Variants in PTPRD observed in about 807,000 individuals in gnomAD.
PTPRD encodes the protein protein tyrosine phosphatase receptor type D.
In PTPRD, 34 loss-of-function variants were observed where a neutral mutation model predicts 214.5. The observed-to-expected ratio is 0.16, with a 90% CI of 0.12 to 0.21. The LOEUF (loss-of-function observed/expected upper bound fraction) is 0.21. PTPRD is among the 10% of genes least tolerant of loss of function. The probability of loss-of-function intolerance (pLI) is 1.00; values close to 1 mark genes in which losing one functional copy is unlikely to be tolerated. For missense variants in PTPRD, 2,545 were observed against 2,398.7 expected, an observed-to-expected ratio of 1.06 and a Z score of -1.27; for synonymous variants, 1,128 against 845.7, an observed-to-expected ratio of 1.33 and a Z score of -5.79.
chr9:9,067,985 C>A (rs529359150), intron 10 of PTPRD, among the ~76,000 whole-genome samples: 2 of 152,200 alleles, frequency 1.3e-5, no homozygotes, highest in African/African-American at 4.8e-5. Flanking sequence ...CTCTTCCCCA[C>A]CTCTCCCGGC....
chr9:9,556,957 G>C (rs78988407), intron 8 of PTPRD, among the ~76,000 whole-genome samples: 1 of 152,266 alleles, frequency 6.6e-6, no homozygotes, highest in African/African-American at 2.4e-5. Flanking sequence ...GATGGACATG[G>C]TGGTTCTGTT....
chr9:10,400,070 C>A (rs2098243832), intron 2 of PTPRD, among the ~76,000 whole-genome samples: 1 of 151,774 alleles, frequency 6.6e-6, no homozygotes, highest in African/African-American at 2.4e-5. Context: ...TTTTATAGAG[C>A]ATAACTCCGA....
At chr9:9,855,715 G>T (rs748832546) in intron 5 of PTPRD, among the ~76,000 whole-genome samples, 16 of 152,200 alleles carry the variant, frequency 1.1e-4, no homozygotes, top group Non-Finnish European at 2.4e-4. Flanking sequence ...GAGAGTGGGT[G>T]CAGGAGCCAG....
chr9:9,255,517 T>C (rs564874100), intron 9 of PTPRD, among the ~76,000 whole-genome samples: 3 of 152,170 alleles, frequency 2.0e-5, no homozygotes, highest in Non-Finnish European at 4.4e-5. Context: ...CACGATGCAA[T>C]TCTAACAAAG....
rs915536806 is a variant in PTPRD at position 8,375,960 on chromosome 9, G to C, written c.4637C>G (p.Ala1546Gly). ...CCTGCAGTGCACAACCATCGGACCA[G>C]CATCGGGAGGGTTACAGGTTTTGAC... ...RRVKTCNPPD[A>G]GPMVVHCSAG... Residue 1546 changes from alanine to glycine, a missense_variant, in exon 39 of 46, where the codon GCT becomes GGT. By Grantham distance (60) the Ala-to-Gly change is moderately conservative. Transcript: ENST00000381196. 1 of 1,612,566 alleles carries C rather than the reference G, an allele frequency of 6.2e-7. No individual in the cohort carries two copies. Among genetic ancestry groups the C allele is most frequent in the East Asian group, 2.2e-5 (1 of 44,856 alleles).
chr9:9,269,917 G>T (rs1011579904), intron 9 of PTPRD, among the ~76,000 whole-genome samples: 1 of 150,940 alleles, frequency 6.6e-6, no homozygotes, highest in Non-Finnish European at 1.5e-5. Context: ...AGGCGAATAG[G>T]CTCGGGAGAC....
At chr9:10,313,469 A>AG (rs1402805780) in intron 3 of PTPRD, among the ~76,000 whole-genome samples, 1 of 151,550 alleles carries the variant, frequency 6.6e-6, no homozygotes, top group Non-Finnish European at 1.5e-5. Context: ...TTCACTTCAC[A>AG]GTGCTACTAG....
chr9:9,564,177 A>T (rs187858027), intron 8 of PTPRD, among the ~76,000 whole-genome samples: 1 of 152,252 alleles, frequency 6.6e-6, no homozygotes, highest in African/African-American at 2.4e-5. Context: ...TTAAAGTTTA[A>T]GTACCTGTGT....
At chr9:8,331,765 G>T in intron 43 of PTPRD, 29 bp from the exon 44 acceptor site, 4 of 1,543,924 alleles carry the variant, frequency 2.6e-6, no homozygotes, top group Non-Finnish European at 3.5e-6. Context: ...ATACCCGGCC[G>T]CAAAGGAAGA....
At chr9:8,437,389 G>C (rs1473507439) in intron 34 of PTPRD, 1 of 587,650 alleles carries the variant, frequency 1.7e-6, no homozygotes, top group South Asian at 2.5e-5. Context: ...CTAGTACAAT[G>C]TGACTACTAC....
intron 9 of PTPRD, among the ~76,000 whole-genome samples, chr9:9,323,127 T>A (rs1189404974): frequency 6.6e-6 from 1 of 152,142 alleles, no homozygotes; most frequent in African/African-American, 2.4e-5. Context: ...GAATGATGTA[T>A]TTGTGAAGGT....
At chr9:8,538,784 A>C (rs1481559843) in intron 14 of PTPRD, among the ~76,000 whole-genome samples, 1 of 151,956 alleles carries the variant, frequency 6.6e-6, no homozygotes, top group Non-Finnish European at 1.5e-5. Context: ...GGCTGGGAGC[A>C]GTAATACCCA....
chr9:9,256,049 G>T (rs988064061), intron 9 of PTPRD, among the ~76,000 whole-genome samples: 1 of 151,968 alleles, frequency 6.6e-6, no homozygotes, highest in Non-Finnish European at 1.5e-5. Flanking sequence ...CTTTAGAATA[G>T]CAAGACATCT....
In PTPRD at chr9:8,485,046, CAG is replaced by C. The variant is rs200884794; in HGVS notation, c.3153+179_3153+180del. ...TGGATTTAAGCTCCTGCTCCTTCTT[CAG>C]AGTGTAAAGGACACACTTACAAAGC... On this transcript the variant is annotated intron_variant, in intron 29 of 45. Coordinates refer to ENST00000381196, the MANE Select transcript of PTPRD (RefSeq NM_002839.4). Among the ~76,000 whole-genome samples, 741 of 152,330 alleles carry C rather than the reference CAG, an allele frequency of 4.9e-3. 5 individuals are homozygous for C. The highest frequency in any genetic ancestry group is 0.016 in the African/African-American group (682 of 41,568).
At chr9:9,436,451 G>C (rs1022862789) in intron 8 of PTPRD, among the ~76,000 whole-genome samples, 4 of 152,042 alleles carry the variant, frequency 2.6e-5, no homozygotes, top group Non-Finnish European at 4.4e-5. Context: ...TGACTGATTA[G>C]ATACCTACAT....
rs376510514 is a variant in PTPRD, at chr9:9,828,096, C to T, written c.-367-61245G>A. 1.1e-4 allele frequency among the ~76,000 whole-genome samples: 16 copies of T among 152,222 alleles called. No individual in the cohort carries two copies. The East Asian group carries it at 1.5e-3, about 15-fold the overall frequency. The stretch of plus-strand genomic sequence containing the variant: ...TCAACCCTTGTGGAAGTCAGTGTGG[C>T]GATTCCTCAGGGATCTAGAACTAGA... On this transcript the variant is annotated intron_variant, in intron 5 of 45. Coordinates refer to ENST00000381196, the MANE Select transcript of PTPRD (RefSeq NM_002839.4).
intron 44 of PTPRD, among the ~76,000 whole-genome samples, chr9:8,329,933 ATCGTATCTTGCTGGGCTCTGTGGGAGTGG>A (rs1838134000): frequency 1.8e-5 from 1 of 54,798 alleles, no homozygotes; most frequent in Admixed American, 2.2e-4. Context: ...AAGCCAGTGG[ATCGTATCTTGCTGGGCTCTGTGGGAGTGG>A]ATCGTATCTT....
chr9:9,358,142 G>C (rs1246300821), intron 9 of PTPRD, among the ~76,000 whole-genome samples: 1 of 151,178 alleles, frequency 6.6e-6, no homozygotes, highest in East Asian at 1.9e-4. Context: ...TTTTGAAACA[G>C]CATATTCTCC....
At chr9:10,535,231 G>T (rs950554157) in intron 2 of PTPRD, among the ~76,000 whole-genome samples, 1 of 152,020 alleles carries the variant, frequency 6.6e-6, no homozygotes, top group Non-Finnish European at 1.5e-5. Context: ...GTTGAATACT[G>T]GATTTCAGTC....
Sources: allele counts gnomAD v4.1 joint callset (sites outside exome capture counted in the v4.1 genomes callset), GRCh38; gene constraint gnomAD v4.1.1; transcripts MANE v1.5; gene names NCBI Gene and HGNC (gene_info 2026-07-23, HGNC 2026-07-21).